Variants in ELP3 observed in about 807,000 individuals in gnomAD.
ELP3 encodes elongator complex protein 3.
In ELP3, 56 loss-of-function variants were observed where a neutral mutation model predicts 74.9. The observed-to-expected ratio is 0.75, with a 90% CI of 0.60 to 0.93. The LOEUF (loss-of-function observed/expected upper bound fraction) is 0.93. Among genes scored for constraint, ELP3 ranks in the 40% least tolerant of loss-of-function variants. ELP3 has a pLI of 0.00. For synonymous variants in ELP3, 222 were observed against 239.8 expected (o/e 0.93, Z 0.68); for missense variants, 573 against 686.5 (o/e 0.83, Z 1.85).
intron 10 of ELP3, among the ~76,000 whole-genome samples, chr8:28,141,510 T>C (rs1813236538): frequency 6.6e-6 from 1 of 152,182 alleles, no homozygotes; most frequent in African/African-American, 2.4e-5. Flanking sequence ...CTGGTGAAAC[T>C]CAAATGGGGT....
intron 10 of ELP3, among the ~76,000 whole-genome samples, chr8:28,139,181 G>A (rs1298145447): frequency 6.6e-6 from 1 of 152,162 alleles, no homozygotes. Context: ...TGTCAGAGCT[G>A]TACGTCCTCT....
At chr8:28,129,254 T>C in intron 7 of ELP3, 1 of 394,644 alleles carries the variant, frequency 2.5e-6, no homozygotes, top group Non-Finnish European at 4.6e-6. Context: ...ACGTCAATCT[T>C]ATGAGGTGTA....
chr8:28,190,915 G>A lies in ELP3; in HGVS notation c.*1190G>A, dbSNP rs1339194807. The A allele has an allele frequency of 6.6e-6, 1 of 152,176 alleles. No homozygotes were observed. Among genetic ancestry groups the A allele is most frequent in the Non-Finnish European group, 1.5e-5 (1 of 68,036 alleles). The allele number at this position is 152,176 out of a possible 1,614,324, so 9.4% of individuals were successfully genotyped here. On this transcript the variant is annotated 3_prime_UTR_variant, in exon 15 of 15. Transcript: ENST00000256398. ...TAAATGGAGAAAGGTAAGAGTTCAA[G>A]TTCAACCCGTGTGTGAAAGCAAAAC...
chr8:28,171,743 A>C (rs1395950834), intron 14 of ELP3, among the ~76,000 whole-genome samples: 1 of 152,134 alleles, frequency 6.6e-6, no homozygotes, highest in Non-Finnish European at 1.5e-5. Flanking sequence ...GAAGGACATA[A>C]AGATTTTCCT....
At chr8:28,138,146 T>C (rs1813069064) in intron 10 of ELP3, among the ~76,000 whole-genome samples, 1 of 152,210 alleles carries the variant, frequency 6.6e-6, no homozygotes, top group African/African-American at 2.4e-5. Flanking sequence ...GGCATGGTGC[T>C]TGCTTCCGAG....
intron 12 of ELP3, 111 bp downstream of exon 12, chr8:28,158,744 G>T: frequency 1.2e-6 from 1 of 811,222 alleles, no homozygotes; most frequent in Non-Finnish European, 2.1e-6. Flanking sequence ...ATAACTAAGA[G>T]CAGAGACTAA....
At chr8:28,130,072 A>T (rs1000106927) in intron 8 of ELP3, among the ~76,000 whole-genome samples, 20 of 152,216 alleles carry the variant, frequency 1.3e-4, no homozygotes, top group Non-Finnish European at 2.1e-4. Flanking sequence ...ACTAGCAAAA[A>T]GTTTGGTGAT....
At chr8:28,182,480 G>C (rs1282812113) in intron 14 of ELP3, among the ~76,000 whole-genome samples, 2 of 152,190 alleles carry the variant, frequency 1.3e-5, no homozygotes, top group African/African-American at 4.8e-5. Flanking sequence ...AGAATCGTTT[G>C]AAGCTGGGCG....
At chr8:28,165,224 CT>C (rs1332625018) in intron 14 of ELP3, among the ~76,000 whole-genome samples, 2 of 152,124 alleles carry the variant, frequency 1.3e-5, no homozygotes, top group African/African-American at 2.4e-5. Flanking sequence ...TTAGTATCTT[CT>C]TTAGTTCTCA....
intron 1 of ELP3, among the ~76,000 whole-genome samples, chr8:28,095,968 C>T (rs762493950): frequency 3.9e-5 from 6 of 152,148 alleles, no homozygotes; most frequent in Non-Finnish European, 7.3e-5. Flanking sequence ...GAGCAGCAGG[C>T]GAGCAAGTGA....
At chr8:28,161,943 C>T in intron 13 of ELP3, 54 bp from the exon 14 acceptor site, 1 of 1,580,584 alleles carries the variant, frequency 6.3e-7, no homozygotes, top group Non-Finnish European at 8.7e-7. Flanking sequence ...ATGGACCCCT[C>T]TTAATGAACT....
intron 3 of ELP3, among the ~76,000 whole-genome samples, chr8:28,100,194 T>C (rs1405172868): frequency 6.6e-6 from 1 of 152,234 alleles, no homozygotes; most frequent in Non-Finnish European, 1.5e-5. Context: ...TTGACCTCTT[T>C]AAAAATATAG....
At chr8:28,179,383 G>C (rs1316625182) in intron 14 of ELP3, among the ~76,000 whole-genome samples, 4 of 152,118 alleles carry the variant, frequency 2.6e-5, no homozygotes, top group Non-Finnish European at 5.9e-5. Flanking sequence ...ACCTTTAGTT[G>C]GTAGCAAGTT....
chr8:28,140,985 G>A (rs1417640308), intron 10 of ELP3, among the ~76,000 whole-genome samples: 10 of 152,126 alleles, frequency 6.6e-5, no homozygotes, highest in African/African-American at 9.7e-5. Context: ...AGGGCCTCAC[G>A]GGAACCTAAC....
chr8:28,188,403 G>C (rs1296519838), intron 14 of ELP3, among the ~76,000 whole-genome samples: 1 of 152,008 alleles, frequency 6.6e-6, no homozygotes, highest in African/African-American at 2.4e-5. Context: ...TGGGCTCCTG[G>C]GTGGGGACCT....
At chr8:28,108,422 GGTCCCATT>G (rs1355110955) in intron 5 of ELP3, among the ~76,000 whole-genome samples, 2 of 151,486 alleles carry the variant, frequency 1.3e-5, no homozygotes, top group African/African-American at 4.8e-5. Context: ...AAATGGACAG[GGTCCCATT>G]GTCTTCTGGA....
chr8:28,106,815 A>G, intron 4 of ELP3, 32 bp downstream of exon 4: 1 of 1,567,154 alleles, frequency 6.4e-7, no homozygotes, highest in Non-Finnish European at 8.8e-7. Flanking sequence ...AATTGTATGT[A>G]TGTTTTAATT....
chr8:28,183,899 C>T (rs1815123686), intron 14 of ELP3, among the ~76,000 whole-genome samples: 1 of 152,222 alleles, frequency 6.6e-6, no homozygotes, highest in African/African-American at 2.4e-5. Flanking sequence ...GGAGGCAGAG[C>T]AGTTAGGCTG....
At chr8:28,135,496 G>A (rs887288742) in intron 9 of ELP3, among the ~76,000 whole-genome samples, 11 of 152,160 alleles carry the variant, frequency 7.2e-5, no homozygotes, top group Non-Finnish European at 1.5e-4. Flanking sequence ...AGAGTAGGGC[G>A]GAGAGTCCAC....
Sources: gnomAD v4.1 joint callset for allele counts (sites outside exome capture counted in the v4.1 genomes callset) on GRCh38, gnomAD v4.1.1 for gene constraint, MANE v1.5 for transcripts, NCBI Gene and HGNC (gene_info 2026-07-23, HGNC 2026-07-21) for gene names.